The following GSE1 variants were observed in gnomAD, a reference collection of about 807,000 sequenced individuals.
The protein encoded by GSE1 is genetic suppressor element 1.
In GSE1, 32 loss-of-function variants were observed where a neutral mutation model predicts 112.6. The observed-to-expected ratio is 0.28, with a 90% CI of 0.21 to 0.38. The LOEUF is 0.38. Among genes scored for constraint, GSE1 ranks in the 10% least tolerant of loss-of-function variants. The pLI, the probability that GSE1 is intolerant of heterozygous loss-of-function variation, is 1.00. For missense variants in GSE1, 2,348 were observed against 1,699.2 expected, an observed-to-expected ratio of 1.38 and a Z score of -6.71; for synonymous variants, 1,115 against 735.6, an observed-to-expected ratio of 1.52 and a Z score of -8.35.
chr16:85,555,057 C>T (rs2045131506), upstream of GSE1: 11 of 985,354 alleles, frequency 1.1e-5, no homozygotes, highest in Non-Finnish European at 1.3e-5. Context: ...TTATTATCGC[C>T]CTGCGAAGCA....
chr16:85,246,579 G>C (rs938663893), intron 1 of GSE1, among the ~76,000 whole-genome samples: 5 of 145,918 alleles, frequency 3.4e-5, no homozygotes, highest in Non-Finnish European at 7.4e-5. Context: ...GTCCCCAGTC[G>C]TCTAATTATC....
At position 85,666,116 on chromosome 16, in the gene GSE1, G is replaced by C. The variant is rs375789240; in HGVS notation, c.2899G>C (p.Ala967Pro). 45 of 1,613,160 alleles carry C rather than the reference G, an allele frequency of 2.8e-5. No individual in the cohort carries two copies. Among genetic ancestry groups the C allele is most frequent in the Non-Finnish European group, 3.7e-5 (44 of 1,179,968 alleles). Residue 967 changes from alanine (A) to proline (P), a missense_variant, in exon 13 of 16, where the codon GCT becomes CCT. Transcript: ENST00000253458. Reference protein sequence around the residue: ...PQELSRVQELAPASGEKARLS... With the variant: ...PQELSRVQELPPASGEKARLS... ...GGAGCTGTCGAGAGTCCAGGAGCTA[G>C]CTCCTGCCAGCGGGGAGAAGGCCAG...
intron 2 of GSE1, among the ~76,000 whole-genome samples, chr16:85,524,039 G>C (rs907423096): frequency 6.6e-6 from 1 of 152,174 alleles, no homozygotes; most frequent in Non-Finnish European, 1.5e-5. Flanking sequence ...CCTGTCTCCC[G>C]GGTGGTGGGG....
intron 2 of GSE1, among the ~76,000 whole-genome samples, chr16:85,469,674 G>T (rs924653690): frequency 6.6e-6 from 1 of 152,204 alleles, no homozygotes; most frequent in South Asian, 2.1e-4. Context: ...GGGGACCTGG[G>T]TCCTGCTGCT....
At chr16:85,630,553 G>T (rs986837583) in intron 1 of GSE1, among the ~76,000 whole-genome samples, 3 of 152,206 alleles carry the variant, frequency 2.0e-5, no homozygotes, top group Non-Finnish European at 4.4e-5. Context: ...CTGGCCTCAC[G>T]CAGTCCTCCC....
intron 2 of GSE1, among the ~76,000 whole-genome samples, chr16:85,420,561 C>T (rs1812707279): frequency 6.6e-6 from 1 of 152,136 alleles, no homozygotes; most frequent in Non-Finnish European, 1.5e-5. Flanking sequence ...GGCCCATGTG[C>T]CTCCTTTGTG....
chr16:85,511,389 A>G (rs912410475), intron 2 of GSE1, among the ~76,000 whole-genome samples: 3 of 152,148 alleles, frequency 2.0e-5, no homozygotes, highest in Admixed American at 6.5e-5. Context: ...TCAGCCGGGC[A>G]TGGTAGTGCA....
chr16:85,613,196 C>G, upstream of GSE1: 1 of 1,430,070 alleles, frequency 7.0e-7, no homozygotes, highest in South Asian at 1.5e-5. Context: ...CGGGAGTGGG[C>G]GGCGTTGCGT....
At chr16:85,410,199 G>GC (rs1555582799) in intron 2 of GSE1, among the ~76,000 whole-genome samples, 123 of 6,136 alleles carry the variant, frequency 0.02, no homozygotes, top group Middle Eastern at 0.12. Flanking sequence ...TTACACTCAG[G>GC]CCCCCGGATA....
At chr16:85,290,477 C>T (rs762334904) in intron 1 of GSE1, among the ~76,000 whole-genome samples, 6 of 152,156 alleles carry the variant, frequency 3.9e-5, no homozygotes, top group Non-Finnish European at 5.9e-5. Context: ...AGGAGCATGC[C>T]TTAAACCCTC....
intron 2 of GSE1, among the ~76,000 whole-genome samples, chr16:85,407,399 G>C (rs867988539): frequency 9.0e-5 from 1 of 11,072 alleles, no homozygotes; most frequent in Non-Finnish European, 1.5e-4. Flanking sequence ...TACACTCAGG[G>C]CCCCCCTGGA....
intron 1 of GSE1, among the ~76,000 whole-genome samples, chr16:85,320,586 C>T (rs12929698): frequency 1.3e-5 from 2 of 151,996 alleles, no homozygotes; most frequent in African/African-American, 2.4e-5. Context: ...TGAGCCACCA[C>T]GCCCGGCCTG....
chr16:85,627,966 G>C (rs2049219360), intron 1 of GSE1, among the ~76,000 whole-genome samples: 1 of 152,202 alleles, frequency 6.6e-6, no homozygotes, highest in African/African-American at 2.4e-5. Flanking sequence ...TCCCTGGGGA[G>C]GGCTGGGGGC....
At chr16:85,302,978 G>A (rs1310252510) in intron 1 of GSE1, among the ~76,000 whole-genome samples, 1 of 152,266 alleles carries the variant, frequency 6.6e-6, no homozygotes, top group Non-Finnish European at 1.5e-5. Context: ...CCCACTGCTA[G>A]TGATGAGCAG....
intron 1 of GSE1, among the ~76,000 whole-genome samples, chr16:85,278,156 G>T (rs960700651): frequency 2.0e-5 from 3 of 152,228 alleles, no homozygotes; most frequent in Non-Finnish European, 4.4e-5. Flanking sequence ...GAAGTCCGGG[G>T]TCTGAATTCA....
intron 1 of GSE1, among the ~76,000 whole-genome samples, chr16:85,614,318 TCGGC>T (rs2048225224): frequency 6.6e-6 from 1 of 151,916 alleles, no homozygotes; most frequent in Non-Finnish European, 1.5e-5. Context: ...AGACACCTCC[TCGGC>T]CGCCCGCCCG....
chr16:85,342,629 C>A (rs573217190), intron 1 of GSE1, among the ~76,000 whole-genome samples: 2 of 152,170 alleles, frequency 1.3e-5, no homozygotes, highest in Non-Finnish European at 2.9e-5. Context: ...AGGTTCAAGG[C>A]GCACCAGGGC....
At chr16:85,220,876 T>C (rs1436349744) in intron 1 of GSE1, among the ~76,000 whole-genome samples, 1 of 151,888 alleles carries the variant, frequency 6.6e-6, no homozygotes, top group Non-Finnish European at 1.5e-5. Context: ...GCAGGAAACC[T>C]TCCCAAATCG....
intron 2 of GSE1, among the ~76,000 whole-genome samples, chr16:85,413,730 C>T (rs1046646950): frequency 6.6e-6 from 1 of 152,154 alleles, no homozygotes; most frequent in African/African-American, 2.4e-5. Flanking sequence ...ACTCCCAGAA[C>T]CTCCAGGGCA....
Sources: gnomAD v4.1 joint callset for allele counts (sites outside exome capture counted in the v4.1 genomes callset) on GRCh38, gnomAD v4.1.1 for gene constraint, MANE v1.5 for transcripts, NCBI Gene and HGNC (gene_info 2026-07-23, HGNC 2026-07-21) for gene names.